FAM89A: variants seen among roughly 807,000 people sequenced by gnomAD.
The protein encoded by FAM89A is family with sequence similarity 89 member A.
A neutral mutation model predicts 7.1 loss-of-function variants in FAM89A; 10 were observed. The ratio of observed to expected loss-of-function variants is 1.40; its 90% CI spans 0.86 to 2.38. The LOEUF (loss-of-function observed/expected upper bound fraction) is 2.38. Ranked by LOEUF, FAM89A falls within the 30% of genes most tolerant of loss-of-function variation. The pLI is 0.00. For synonymous variants in FAM89A, 157 were observed against 129.3 expected, an observed-to-expected ratio of 1.21 and a Z score of -1.45; for missense variants, 276 against 262.8, an observed-to-expected ratio of 1.05 and a Z score of -0.35.
chr1:231,038,886 T>C (rs1680202170), intron 1 of FAM89A, among the ~76,000 whole-genome samples: 1 of 152,246 alleles, frequency 6.6e-6, no homozygotes, highest in South Asian at 2.1e-4. Context: ...CAAATTTAGT[T>C]TTGGGAAAAG....
At chr1:231,038,106 C>A (rs1353336273) in intron 1 of FAM89A, among the ~76,000 whole-genome samples, 2 of 152,198 alleles carry the variant, frequency 1.3e-5, no homozygotes, top group Admixed American at 6.5e-5. Flanking sequence ...CCGAAAGATT[C>A]TCTGGGCAAC....
chr1:231,037,064 A>ATG (rs1680167878), intron 1 of FAM89A, among the ~76,000 whole-genome samples: 1 of 152,020 alleles, frequency 6.6e-6, no homozygotes, highest in South Asian at 2.1e-4. Flanking sequence ...TGTGTTGTAT[A>ATG]TATGTATGTG....
intron 1 of FAM89A, among the ~76,000 whole-genome samples, chr1:231,039,343 C>A: frequency 6.6e-6 from 1 of 152,236 alleles, no homozygotes. Flanking sequence ...CCGGCCGCCT[C>A]CCTCGCCCGG....
chr1:231,027,706 G>A (rs1469515528), intron 1 of FAM89A, among the ~76,000 whole-genome samples: 1 of 152,164 alleles, frequency 6.6e-6, no homozygotes, highest in East Asian at 1.9e-4. Flanking sequence ...CCACCATCTG[G>A]TCTGACTGTT....
intron 1 of FAM89A, among the ~76,000 whole-genome samples, chr1:231,029,705 T>G (rs1211801887): frequency 6.6e-6 from 1 of 152,228 alleles, no homozygotes; most frequent in Non-Finnish European, 1.5e-5. Context: ...TATTCCTGGC[T>G]TTTCTGAATT....
chr1:231,038,501 A>T lies in FAM89A; in HGVS notation c.291+1420T>A, dbSNP rs545208916. Among the ~76,000 whole-genome samples the T allele has an allele frequency of 3.2e-4, 48 of 152,370 alleles. No individual in the cohort carries two copies. In the South Asian group the frequency reaches 9.9e-3, roughly 32 times the overall value. On this transcript the variant is annotated intron_variant, in intron 1 of 1. Transcript: ENST00000366654. ...CACCCCCGTGGTTCTGCTATGTCCA[A>T]GTTCAGACTGTAAACACACTACGTG...
intron 1 of FAM89A, chr1:231,027,083 G>A (rs1203504736): frequency 6.6e-6 from 1 of 152,198 alleles, no homozygotes; most frequent in Non-Finnish European, 1.5e-5. Flanking sequence ...GATGGTTTGA[G>A]GTCGGCCCAG....
At chr1:231,021,551 C>A (rs543286628) in intron 1 of FAM89A, 17 of 996,844 alleles carry the variant, frequency 1.7e-5, no homozygotes, top group African/African-American at 9.6e-5. Context: ...GACTTCCCTG[C>A]AAACCTTGGT....
At chr1:231,021,745 A>C in intron 1 of FAM89A, 1 of 1,601,894 alleles carries the variant, frequency 6.2e-7, no homozygotes, top group Admixed American at 1.7e-5. Flanking sequence ...CTGGAGATGA[A>C]ATTGTTGACC....
chr1:231,031,983 A>G (rs1168526675), intron 1 of FAM89A, among the ~76,000 whole-genome samples: 2 of 152,218 alleles, frequency 1.3e-5, no homozygotes, highest in African/African-American at 4.8e-5. Flanking sequence ...GCGCCTTTCC[A>G]ATCCTCCCCA....
chr1:231,039,441 G>A (rs1680216855), intron 1 of FAM89A, among the ~76,000 whole-genome samples: 1 of 152,192 alleles, frequency 6.6e-6, no homozygotes, highest in Admixed American at 6.5e-5. Flanking sequence ...GCGCCGGAAA[G>A]GGGGCCGGGC....
rs907947135 is a variant in FAM89A, at chr1:231,040,200, G to C, written c.12C>G (p.Ala4=). 15 of 1,091,174 alleles carry C rather than the reference G, an allele frequency of 1.4e-5. No homozygotes were observed. The East Asian group carries it at 8.0e-4, about 58-fold the overall frequency. 67.6% of individuals were successfully genotyped at this position (1,091,174 alleles called of 1,614,324 possible). The part of the protein sequence containing the change: MSG[A]RAAPGAAGNG... ...TGCCCGCGGCCCCGGGCGCCGCCCG[G>C]GCCCCACTCATCGCGCCGCGGCCCG... is the stretch of plus-strand genomic sequence containing the variant. The change falls in exon 1 of 2, where the codon GCC becomes GCG. Residue 4 remains alanine (A), a synonymous_variant. Coordinates refer to ENST00000366654, the MANE Select transcript of FAM89A (RefSeq NM_198552.3).
intron 1 of FAM89A, among the ~76,000 whole-genome samples, chr1:231,021,216 A>G (rs1476662428): frequency 6.6e-6 from 1 of 152,266 alleles, no homozygotes; most frequent in Non-Finnish European, 1.5e-5. Context: ...TTGGCCCCTG[A>G]GCAAGGTATT....
In FAM89A at chr1:231,032,398, C is replaced by G. The variant is rs879863309; in HGVS notation, c.291+7523G>C. Among the ~76,000 whole-genome samples the G allele has an allele frequency of 9.4e-3, 1,232 of 131,206 alleles. 7 individuals carry two copies. The highest frequency in any genetic ancestry group is 0.016 in the Non-Finnish European group (977 of 61,350). 86.1% of individuals were successfully genotyped at this position (131,206 alleles called of 152,430 possible). A position where few individuals can be genotyped will look rare whatever the true frequency, so the allele number is the denominator to read the frequency against. On this transcript the variant is annotated intron_variant, in intron 1 of 1. Transcript: ENST00000366654. ...CCCGCCCCCGCCAGCCCCCACCCCC[C>G]ACCCCCAGCAATGCATGAGAAGGTT...
intron 1 of FAM89A, among the ~76,000 whole-genome samples, chr1:231,024,230 C>T (rs1009668919): frequency 9.3e-5 from 14 of 151,164 alleles, no homozygotes; most frequent in African/African-American, 1.9e-4. Context: ...CATGGGTACG[C>T]GCATGTAGAA....
intron 1 of FAM89A, among the ~76,000 whole-genome samples, chr1:231,033,949 A>G (rs942554948): frequency 1.3e-5 from 2 of 152,144 alleles, no homozygotes; most frequent in Non-Finnish European, 2.9e-5. Context: ...TTTCATACAC[A>G]CAAACTAATA....
chr1:231,019,911 C>G lies in FAM89A; in HGVS notation c.507G>C (p.Leu169=). The G allele has an allele frequency of 6.2e-7, 1 of 1,614,204 alleles. No homozygotes were observed. Among genetic ancestry groups the G allele is most frequent in the Non-Finnish European group, 8.5e-7 (1 of 1,180,048 alleles). ...RDRGPPRDLS[L]PVSSLSSSDW... is the part of the protein sequence containing the mutation. Reference sequence around the variant, plus strand: ...CGCTGCTGGAGAGGGAGGAGACAGGCAGTGACAAGTCCCGAGGAGGGCCTC... The same window carrying G: ...CGCTGCTGGAGAGGGAGGAGACAGGGAGTGACAAGTCCCGAGGAGGGCCTC... Residue 169 remains leucine, a synonymous_variant, in exon 2 of 2, where the codon CTG becomes CTC. Transcript: ENST00000366654.
At chr1:231,033,798 T>C (rs1450562297) in intron 1 of FAM89A, among the ~76,000 whole-genome samples, 1 of 152,238 alleles carries the variant, frequency 6.6e-6, no homozygotes, top group Non-Finnish European at 1.5e-5. Context: ...GTGGTATTTT[T>C]ACTTTTAATC....
chr1:231,040,140 C>T lies in FAM89A; in HGVS notation c.72G>A (p.Leu24=). The change falls in exon 1 of 2, where the codon CTG becomes CTA. Residue 24 remains leucine (L), a synonymous_variant. Transcript: ENST00000366654. ...GAVRGLRVDG[L]PPLPKSLSGL... is the part of the protein sequence containing the mutation. ...CGCTCAAGCTCTTTGGCAGCGGGGGCAGCCCGTCCACCCGCAGCCCCCGGA... is the reference window on the plus strand; with the variant it reads ...CGCTCAAGCTCTTTGGCAGCGGGGGTAGCCCGTCCACCCGCAGCCCCCGGA... 3 of 1,338,526 alleles carry T rather than the reference C, an allele frequency of 2.2e-6. No individual in the cohort carries two copies. Among genetic ancestry groups the T allele is most frequent in the Non-Finnish European group, 2.9e-6 (3 of 1,037,866 alleles). The allele number at this position is 1,338,526 out of a possible 1,614,324, so 82.9% of individuals were successfully genotyped here. A position where few individuals can be genotyped will look rare whatever the true frequency, so the allele number is the denominator to read the frequency against.
Sources: gnomAD v4.1 joint callset for allele counts (sites outside exome capture counted in the v4.1 genomes callset) on GRCh38, gnomAD v4.1.1 for gene constraint, MANE v1.5 for transcripts, NCBI Gene and HGNC (gene_info 2026-07-23, HGNC 2026-07-21) for gene names.